PTPRN2: variants seen among roughly 807,000 people sequenced by gnomAD.
The protein encoded by PTPRN2 is receptor-type tyrosine-protein phosphatase N2.
Under a neutral mutation model 118.8 loss-of-function variants are expected in PTPRN2, and 74 were observed. The observed-to-expected ratio is 0.62, with a 90% CI of 0.52 to 0.76. The LOEUF (loss-of-function observed/expected upper bound fraction) is 0.76, where lower values mean the gene tolerates loss of function less well. PTPRN2 is among the 30% of genes least tolerant of loss of function. PTPRN2 has a pLI of 0.00. For synonymous variants in PTPRN2, 641 were observed against 608.0 expected, an observed-to-expected ratio of 1.05 and a Z score of -0.80; for missense variants, 1,481 against 1,394.4, an observed-to-expected ratio of 1.06 and a Z score of -0.99.
chr7:158,315,686 G>A (rs1043512259), intron 3 of PTPRN2, among the ~76,000 whole-genome samples: 1 of 152,254 alleles, frequency 6.6e-6, no homozygotes, highest in Admixed American at 6.5e-5. Flanking sequence ...TGTGGCCAGT[G>A]GTTTGGCTGG....
chr7:158,543,627 G>A (rs541840362), intron 1 of PTPRN2, among the ~76,000 whole-genome samples: 3 of 152,352 alleles, frequency 2.0e-5, no homozygotes, highest in African/African-American at 7.2e-5. Flanking sequence ...CTTATGTTAA[G>A]TGCTGCATTT....
intron 11 of PTPRN2, among the ~76,000 whole-genome samples, chr7:157,965,984 C>T (rs1801895656): frequency 6.6e-6 from 1 of 152,184 alleles, no homozygotes; most frequent in Admixed American, 6.5e-5. Flanking sequence ...ATGCATGGGG[C>T]ACTGGAATCC....
At chr7:157,605,457 C>T (rs1419886351) in intron 15 of PTPRN2, among the ~76,000 whole-genome samples, 1 of 152,262 alleles carries the variant, frequency 6.6e-6, no homozygotes, top group Non-Finnish European at 1.5e-5. Flanking sequence ...CTCTCCTTCT[C>T]TTCACCCACA....
intron 1 of PTPRN2, 23 bp from the exon 2 acceptor site, chr7:158,489,808 C>T (rs747306692): frequency 4.5e-6 from 7 of 1,561,070 alleles, no homozygotes; most frequent in East Asian, 2.4e-5. Flanking sequence ...AGAGAAGAGA[C>T]GCGGTCAGCT....
At chr7:157,916,976 C>T (rs1475991003) in intron 11 of PTPRN2, among the ~76,000 whole-genome samples, 4 of 139,872 alleles carry the variant, frequency 2.9e-5, no homozygotes, top group Non-Finnish European at 6.2e-5. Flanking sequence ...AAGGTCCCCA[C>T]CATGGCAGGG....
chr7:158,308,612 CAG>C (rs138800097), intron 3 of PTPRN2, among the ~76,000 whole-genome samples: 41 of 151,908 alleles, frequency 2.7e-4, no homozygotes, highest in East Asian at 5.8e-4. Context: ...GAAAAAATGA[CAG>C]AGAGTGTTTG....
intron 12 of PTPRN2, among the ~76,000 whole-genome samples, chr7:157,685,503 G>A (rs1418275791): frequency 6.6e-6 from 1 of 152,112 alleles, no homozygotes; most frequent in Non-Finnish European, 1.5e-5. Flanking sequence ...CCCGAGGAAG[G>A]GGCACAGGCG....
intron 11 of PTPRN2, among the ~76,000 whole-genome samples, chr7:157,946,157 C>T (rs1157978878): frequency 3.3e-5 from 5 of 152,162 alleles, no homozygotes; most frequent in African/African-American, 7.2e-5. Flanking sequence ...CAGGATAATA[C>T]GGTCTGGAGG....
At chr7:158,234,093 C>T (rs1829354527) in intron 3 of PTPRN2, among the ~76,000 whole-genome samples, 1 of 152,122 alleles carries the variant, frequency 6.6e-6, no homozygotes, top group Non-Finnish European at 1.5e-5. Flanking sequence ...CTCAAAAGCA[C>T]AGATAACCAA....
intron 11 of PTPRN2, among the ~76,000 whole-genome samples, chr7:158,067,789 C>G (rs1161775675): frequency 6.6e-6 from 1 of 151,894 alleles, no homozygotes; most frequent in Non-Finnish European, 1.5e-5. Context: ...GGGCCGCGGG[C>G]AGCACACCGG....
At position 157,632,629 on chromosome 7, in the gene PTPRN2, G is replaced by T. The variant is rs572031795; in HGVS notation, c.2197-11120C>A. The stretch of plus-strand genomic sequence containing the variant: ...GGGTGACAGGGGTCACCTGCAGAAA[G>T]ACTAAGAAAGAAGCTGTTTAATAAT... On this transcript the variant is annotated intron_variant, in intron 14 of 22. Transcript: ENST00000389418. This position sits in a 1 kb window ranked among gnomAD's most constrained non-coding sequence, Gnocchi z 4.3. 6.6e-6 allele frequency among the ~76,000 whole-genome samples: 1 copy of T among 151,882 alleles called. No homozygotes were observed. The highest frequency in any genetic ancestry group is 6.6e-5 in the Admixed American group (1 of 15,264).
intron 12 of PTPRN2, among the ~76,000 whole-genome samples, chr7:157,685,560 G>A (rs1797145140): frequency 1.3e-5 from 2 of 151,618 alleles, no homozygotes; most frequent in Non-Finnish European, 2.9e-5. Context: ...ACGCGCGGGG[G>A]CCGGAGGAGG....
In PTPRN2 at chr7:158,480,795, C is replaced by A. The variant is rs555148123; in HGVS notation, c.163+8940G>T. ...CCTAATCCAGAGCAAGGCCCTCACT[C>A]TTCAATTCCATGAAGGCTGAGAGAA... On this transcript the variant is annotated intron_variant, in intron 2 of 22. Transcript: ENST00000389418. Among the ~76,000 whole-genome samples the A allele has an allele frequency of 1.6e-4, 24 of 152,354 alleles. 1 individual carries two copies. In the South Asian group the frequency reaches 4.8e-3, roughly 30 times the overall value.
At chr7:157,922,319 T>C (rs1798733431) in intron 11 of PTPRN2, among the ~76,000 whole-genome samples, 2 of 152,158 alleles carry the variant, frequency 1.3e-5, no homozygotes, top group Admixed American at 1.3e-4. Flanking sequence ...AGGAAGTCTT[T>C]CCTGGGCGAT....
At chr7:158,283,138 G>A (rs895667565) in intron 3 of PTPRN2, among the ~76,000 whole-genome samples, 6 of 152,196 alleles carry the variant, frequency 3.9e-5, no homozygotes, top group Non-Finnish European at 7.3e-5. Context: ...AGACGCATTC[G>A]ACAACACGCA....
At chr7:158,139,710 C>T (rs1819193236) in intron 6 of PTPRN2, among the ~76,000 whole-genome samples, 1 of 152,112 alleles carries the variant, frequency 6.6e-6, no homozygotes, top group South Asian at 2.1e-4. Flanking sequence ...AGACACGCTC[C>T]ACACATGAGA....
intron 2 of PTPRN2, among the ~76,000 whole-genome samples, chr7:158,421,108 T>C (rs1815208929): frequency 6.6e-6 from 1 of 152,186 alleles, no homozygotes. Context: ...ATTAGACGTG[T>C]GTGGCTCAGA....
chr7:158,137,867 T>A (rs911947866), intron 7 of PTPRN2, among the ~76,000 whole-genome samples: 3 of 152,154 alleles, frequency 2.0e-5, no homozygotes, highest in Non-Finnish European at 2.9e-5. Flanking sequence ...CCTGCCGGGG[T>A]AGTGGTGCTG....
Position 158,517,411 on chromosome 7 carries a change from C to T in PTPRN2, c.113-27626G>A, listed in dbSNP as rs1262374789. 3.3e-5 allele frequency among the ~76,000 whole-genome samples: 5 copies of T among 152,086 alleles called. No homozygotes were observed. Among genetic ancestry groups the T allele is most frequent in the Admixed American group, 1.3e-4 (2 of 15,272 alleles). Reference sequence around the variant, plus strand: ...ACATATGGGGAATTCCAGAACGTGACCCTGTACCTAAATCCCTGCAGTTCC... The same window carrying T: ...ACATATGGGGAATTCCAGAACGTGATCCTGTACCTAAATCCCTGCAGTTCC... On this transcript the variant is annotated intron_variant, in intron 1 of 22. Transcript: ENST00000389418. This position sits in a 1 kb window ranked among gnomAD's most constrained non-coding sequence, Gnocchi z 5.3.
Sources: gnomAD v4.1 joint callset for allele counts (sites outside exome capture counted in the v4.1 genomes callset) on GRCh38, gnomAD v4.1.1 for gene constraint, Gnocchi (gnomAD v3.1) non-coding constraint, MANE v1.5 for transcripts, NCBI Gene and HGNC (gene_info 2026-07-23, HGNC 2026-07-21) for gene names.